The following C7orf78 variants were observed in gnomAD, a reference collection of about 807,000 sequenced individuals.
C7orf78 encodes putative uncharacterized protein C7orf78.
the C7orf78 span, among the ~76,000 whole-genome samples, chr7:12,503,690 T>A: frequency 4.6e-5 from 7 of 152,266 alleles, no homozygotes; most frequent in South Asian, 1.5e-3. Context: ...ACATGTGCCA[T>A]GTTGGTGTGC....
chr7:12,532,350 C>A, the C7orf78 span, among the ~76,000 whole-genome samples: 5 of 151,962 alleles, frequency 3.3e-5, no homozygotes, highest in African/African-American at 4.8e-5. Flanking sequence ...GAGTTCGAGA[C>A]CAGCCTGACC....
chr7:12,507,095 T>C, the C7orf78 span: 1 of 296,758 alleles, frequency 3.4e-6, no homozygotes, highest in Non-Finnish European at 6.4e-6. Context: ...GGTCAAGAGA[T>C]CGAGATCATC....
chr7:12,519,978 T>C, the C7orf78 span, among the ~76,000 whole-genome samples: 80 of 152,324 alleles, frequency 5.3e-4, no homozygotes, highest in Non-Finnish European at 8.4e-4. Context: ...TCTGGTACAA[T>C]GCCCTCATTG....
chr7:12,497,829 C>T, the C7orf78 span, among the ~76,000 whole-genome samples: 26,580 of 145,216 alleles, frequency 0.18, 3,450 homozygotes, highest in African/African-American at 0.37. Flanking sequence ...GACTTAAATG[C>T]CCCTGTCTGA....
At chr7:12,517,286 G>A in the C7orf78 span, among the ~76,000 whole-genome samples, 2 of 152,178 alleles carry the variant, frequency 1.3e-5, no homozygotes, top group South Asian at 4.2e-4. Flanking sequence ...CATGTAAGAA[G>A]TGCCTTTCAC....
At chr7:12,506,664 A>T in the C7orf78 span, 1 of 198,862 alleles carries the variant, frequency 5.0e-6, no homozygotes, top group African/African-American at 2.4e-5. Context: ...TGGGGGAGGG[A>T]TAGCATTAGG....
the C7orf78 span, chr7:12,487,105 A>G: frequency 2.6e-5 from 4 of 152,070 alleles, no homozygotes; most frequent in African/African-American, 9.6e-5. Flanking sequence ...CTAGTTTCCT[A>G]TCTCTGCAAC....
chr7:12,501,259 G>A, the C7orf78 span, among the ~76,000 whole-genome samples: 151 of 146,802 alleles, frequency 1.0e-3, no homozygotes, highest in Non-Finnish European at 1.6e-3. Context: ...GGAAATAAAG[G>A]GTATTCAATT....
the C7orf78 span, chr7:12,506,856 C>G: frequency 2.3e-6 from 1 of 442,402 alleles, no homozygotes; most frequent in Admixed American, 2.6e-5. Flanking sequence ...GTCAGGTTAT[C>G]GTAGAAAAGT....
At chr7:12,511,918 A>ATTTTT in the C7orf78 span, among the ~76,000 whole-genome samples, 65 of 80,564 alleles carry the variant, frequency 8.1e-4, no homozygotes, top group African/African-American at 9.6e-4. Flanking sequence ...CACCTGGCTA[A>ATTTTT]TTTTTTTTTT....
the C7orf78 span, among the ~76,000 whole-genome samples, chr7:12,501,600 G>C: frequency 7.9e-6 from 1 of 126,064 alleles, no homozygotes; most frequent in Non-Finnish European, 1.7e-5. Context: ...ACAAATGGAA[G>C]AACATTCCAT....
the C7orf78 span, chr7:12,529,011 A>G: frequency 2.8e-5 from 11 of 398,426 alleles, no homozygotes; most frequent in Non-Finnish European, 4.9e-5. Context: ...TTTTGACGAA[A>G]GCCCCATGGC....
At chr7:12,539,338 C>G in the C7orf78 span, among the ~76,000 whole-genome samples, 1 of 152,066 alleles carries the variant, frequency 6.6e-6, no homozygotes, top group Non-Finnish European at 1.5e-5. Flanking sequence ...GTGGCACGCA[C>G]CTGTAGTCCC....
the C7orf78 span, among the ~76,000 whole-genome samples, chr7:12,512,433 C>T: frequency 4.7e-4 from 72 of 152,242 alleles, no homozygotes; most frequent in Non-Finnish European, 9.9e-4. Context: ...TTTTCTGCAT[C>T]TGTTGAGATG....
At chr7:12,500,740 A>G in the C7orf78 span, among the ~76,000 whole-genome samples, 1 of 151,910 alleles carries the variant, frequency 6.6e-6, no homozygotes, top group Admixed American at 6.6e-5. Context: ...TGAGGCCAGC[A>G]TCATTCTGAT....
chr7:12,488,645 G>A, the C7orf78 span, among the ~76,000 whole-genome samples: 1 of 151,774 alleles, frequency 6.6e-6, no homozygotes, highest in African/African-American at 2.4e-5. Context: ...ATGTGACAAA[G>A]GCAGAGTGGT....
chr7:12,507,144 C>CA, the C7orf78 span: 32,117 of 115,528 alleles, frequency 0.28, 3,696 homozygotes, highest in African/African-American at 0.41. Flanking sequence ...ACTAAAAATA[C>CA]AAAAAAAAAA....
At chr7:12,523,080 A>G in the C7orf78 span, 21 of 398,328 alleles carry the variant, frequency 5.3e-5, no homozygotes, top group Middle Eastern at 6.3e-4. Flanking sequence ...CAGGATCTCA[A>G]CTCCAAATGG....
the C7orf78 span, among the ~76,000 whole-genome samples, chr7:12,505,754 T>C: frequency 1.3e-5 from 2 of 152,168 alleles, no homozygotes; most frequent in African/African-American, 4.8e-5. Flanking sequence ...GTTTTTTCCA[T>C]GTAAAAGGAA....
Sources: allele counts gnomAD v4.1 joint callset (sites outside exome capture counted in the v4.1 genomes callset), GRCh38; gene constraint gnomAD v4.1.1; transcripts MANE v1.5; gene names NCBI Gene and HGNC (gene_info 2026-07-23, HGNC 2026-07-21).